SLC2A13: variants seen among roughly 807,000 people sequenced by gnomAD.
SLC2A13 encodes the protein proton myo-inositol cotransporter.
Under a neutral mutation model 64.4 loss-of-function variants are expected in SLC2A13, and 32 were observed. The ratio of observed to expected loss-of-function variants is 0.50; its 90% CI spans 0.37 to 0.67. The LOEUF (loss-of-function observed/expected upper bound fraction) is 0.67, where lower values mean the gene tolerates loss of function less well. Ranked by LOEUF, SLC2A13 falls within the 30% of genes least tolerant of loss-of-function variation. SLC2A13 has a pLI of 0.00. For missense variants in SLC2A13, 743 were observed against 829.2 expected (o/e 0.90, Z 1.28); for synonymous variants, 338 against 327.1 (o/e 1.03, Z -0.36).
At chr12:40,095,412 A>G (rs1938905892) in intron 1 of SLC2A13, among the ~76,000 whole-genome samples, 1 of 152,194 alleles carries the variant, frequency 6.6e-6, no homozygotes, top group Non-Finnish European at 1.5e-5. Flanking sequence ...TCCAAACTCT[A>G]TGTCCAGCTG....
intron 2 of SLC2A13, among the ~76,000 whole-genome samples, chr12:40,041,802 G>C (rs1032738310): frequency 6.6e-6 from 1 of 152,236 alleles, no homozygotes; most frequent in Non-Finnish European, 1.5e-5. Context: ...CATCACTGCC[G>C]TAGTGATCTT....
chr12:39,896,151 T>A (rs935944278), intron 4 of SLC2A13, among the ~76,000 whole-genome samples: 1 of 149,174 alleles, frequency 6.7e-6, no homozygotes, highest in Non-Finnish European at 1.5e-5. Context: ...CCTATATATG[T>A]ATACACGTGT....
chr12:40,042,578 T>A (rs1003311217), intron 2 of SLC2A13, among the ~76,000 whole-genome samples: 4 of 152,198 alleles, frequency 2.6e-5, no homozygotes, highest in African/African-American at 9.6e-5. Flanking sequence ...TATAAATTAA[T>A]ACATTGGTAT....
intron 1 of SLC2A13, among the ~76,000 whole-genome samples, chr12:40,055,467 T>G (rs1948320122): frequency 6.6e-6 from 1 of 152,216 alleles, no homozygotes; most frequent in African/African-American, 2.4e-5. Flanking sequence ...GTATCACGTT[T>G]GTCTCTCCAA....
intron 4 of SLC2A13, among the ~76,000 whole-genome samples, chr12:39,946,510 A>G (rs1040056877): frequency 3.9e-5 from 6 of 152,324 alleles, no homozygotes; most frequent in Admixed American, 3.9e-4. Context: ...GTCTGAGCTC[A>G]AACTCTCCTT....
intron 3 of SLC2A13, among the ~76,000 whole-genome samples, chr12:40,003,309 T>TTC (rs1947349685): frequency 6.6e-6 from 1 of 152,196 alleles, no homozygotes; most frequent in Non-Finnish European, 1.5e-5. Flanking sequence ...ACTAGAATCT[T>TTC]AAATTTCAAT....
chr12:39,942,908 T>G (rs1456175438), intron 4 of SLC2A13, among the ~76,000 whole-genome samples: 2 of 152,228 alleles, frequency 1.3e-5, no homozygotes, highest in East Asian at 3.8e-4. Flanking sequence ...ACCTCTGGTC[T>G]TTGATGTTGG....
At chr12:39,819,492 T>C (rs936238429) in intron 7 of SLC2A13, among the ~76,000 whole-genome samples, 7 of 152,170 alleles carry the variant, frequency 4.6e-5, no homozygotes, top group Non-Finnish European at 8.8e-5. Flanking sequence ...TATTTGATGT[T>C]CCTAAAAGCC....
rs12813098 is a variant in SLC2A13, at chr12:40,072,224, T to A, written c.557-24014A>T. Among the ~76,000 whole-genome samples, 4 of 151,994 alleles carry A rather than the reference T, an allele frequency of 2.6e-5. No homozygotes were observed. The South Asian group carries it at 6.2e-4, about 24-fold the overall frequency. On this transcript the variant is annotated intron_variant, in intron 1 of 9. Transcript: ENST00000280871. ...TGGAATTATCCAGCTATCCTTCTGC[T>A]GTTGATTTTGTTTAATTCCATTGTA...
chr12:39,947,562 A>G (rs1266918108), intron 4 of SLC2A13, among the ~76,000 whole-genome samples: 1 of 151,984 alleles, frequency 6.6e-6, no homozygotes, highest in Non-Finnish European at 1.5e-5. Context: ...GGAAGTGTCT[A>G]TTTATTAATA....
intron 4 of SLC2A13, among the ~76,000 whole-genome samples, chr12:39,893,353 A>G (rs4378460): frequency 0.99 from 150,888 of 152,354 alleles, 74,741 homozygotes; most frequent in East Asian, 1. Context: ...AGGCTGGAGC[A>G]CAGTGGTGCA....
chr12:39,943,711 G>A (rs1946081887), intron 4 of SLC2A13, among the ~76,000 whole-genome samples: 1 of 152,198 alleles, frequency 6.6e-6, no homozygotes. Context: ...GGGATCCACT[G>A]AGCTAGACCA....
chr12:39,778,011 T>C (rs533628992), intron 7 of SLC2A13, among the ~76,000 whole-genome samples: 8 of 152,246 alleles, frequency 5.3e-5, no homozygotes, highest in Admixed American at 3.3e-4. Flanking sequence ...ACACGCCCAC[T>C]GGGGCTTCAG....
chr12:40,008,120 T>A (rs961202476), intron 3 of SLC2A13, among the ~76,000 whole-genome samples: 3 of 152,168 alleles, frequency 2.0e-5, no homozygotes, highest in Non-Finnish European at 4.4e-5. Flanking sequence ...CCTATCCAGA[T>A]TTTTTAAAAT....
intron 3 of SLC2A13, among the ~76,000 whole-genome samples, chr12:39,961,677 T>A (rs987431231): frequency 1.2e-4 from 18 of 149,728 alleles, no homozygotes; most frequent in African/African-American, 2.7e-4. Context: ...TAAAAAAAAA[T>A]TTTTTTTTTA....
chr12:40,071,037 T>C (rs1165748377), intron 1 of SLC2A13, among the ~76,000 whole-genome samples: 1 of 152,124 alleles, frequency 6.6e-6, no homozygotes, highest in African/African-American at 2.4e-5. Context: ...CCCTCTTACC[T>C]AGGGACAACT....
At chr12:39,988,319 T>C (rs552804807) in intron 3 of SLC2A13, among the ~76,000 whole-genome samples, 2 of 152,166 alleles carry the variant, frequency 1.3e-5, no homozygotes, top group Admixed American at 6.6e-5. Flanking sequence ...ATTCTAATCA[T>C]CAACAACATA....
chr12:40,068,665 T>C (rs1937836495), intron 1 of SLC2A13: 1 of 152,852 alleles, frequency 6.5e-6, no homozygotes. Flanking sequence ...GAAAAGCAAA[T>C]TGTTCATTCT....
chr12:39,986,226 A>G (rs1333809909), intron 3 of SLC2A13, among the ~76,000 whole-genome samples: 1 of 152,062 alleles, frequency 6.6e-6, no homozygotes, highest in African/African-American at 2.4e-5. Context: ...ATGGGGCCTA[A>G]CCTTGGGGTT....
Sources: gnomAD v4.1 joint callset for allele counts (sites outside exome capture counted in the v4.1 genomes callset) on GRCh38, gnomAD v4.1.1 for gene constraint, MANE v1.5 for transcripts, NCBI Gene and HGNC (gene_info 2026-07-23, HGNC 2026-07-21) for gene names.